The following ADHFE1 variants were observed in gnomAD, a reference collection of about 807,000 sequenced individuals.
ADHFE1 encodes hydroxyacid-oxoacid transhydrogenase, mitochondrial.
ADHFE1 carries 37 observed loss-of-function variants against 54.8 expected under a neutral mutation model. The ratio of observed to expected loss-of-function variants is 0.68; its 90% CI spans 0.52 to 0.89. The LOEUF (loss-of-function observed/expected upper bound fraction) is 0.89, where lower values mean the gene tolerates loss of function less well. Among genes scored for constraint, ADHFE1 ranks in the 40% least tolerant of loss-of-function variants. The probability of loss-of-function intolerance (pLI) is 0.00; values close to 1 mark genes in which losing one functional copy is unlikely to be tolerated. For synonymous variants in ADHFE1, 203 were observed against 229.3 expected, an observed-to-expected ratio of 0.89 and a Z score of 1.04; for missense variants, 601 against 591.2, an observed-to-expected ratio of 1.02 and a Z score of -0.17.
At chr8:66,454,037 T>G in intron 9 of ADHFE1, 22 bp from the exon 10 acceptor site, 2 of 1,612,418 alleles carry the variant, frequency 1.2e-6, no homozygotes, top group Non-Finnish European at 1.7e-6. Context: ...GTGTTATTGT[T>G]AGGTATTTAT....
chr8:66,458,189 T>C (rs1380009510), intron 12 of ADHFE1, among the ~76,000 whole-genome samples: 1 of 152,236 alleles, frequency 6.6e-6, no homozygotes, highest in Non-Finnish European at 1.5e-5. Flanking sequence ...AACATCTTAT[T>C]CCGCCACTTG....
intron 13 of ADHFE1, among the ~76,000 whole-genome samples, chr8:66,467,895 G>A (rs1009025068): frequency 2.6e-5 from 4 of 152,174 alleles, no homozygotes; most frequent in Admixed American, 2.6e-4. Flanking sequence ...AAAATACATG[G>A]TCTTAGACTT....
intron 13 of ADHFE1, among the ~76,000 whole-genome samples, chr8:66,465,486 T>C (rs1460345718): frequency 2.0e-5 from 3 of 152,246 alleles, no homozygotes; most frequent in African/African-American, 4.8e-5. Context: ...GAGCATCTTT[T>C]CATGTGCTTA....
intron 3 of ADHFE1, among the ~76,000 whole-genome samples, chr8:66,443,264 A>ATGTTTTTT (rs1805852021): frequency 1.2e-5 from 1 of 86,094 alleles, no homozygotes; most frequent in African/African-American, 4.1e-5. Flanking sequence ...TAGTCCAGGA[A>ATGTTTTTT]TTTTTTTTTT....
At chr8:66,438,233 A>C (rs979208202) in intron 1 of ADHFE1, among the ~76,000 whole-genome samples, 1 of 152,200 alleles carries the variant, frequency 6.6e-6, no homozygotes, top group African/African-American at 2.4e-5. Flanking sequence ...TACACATGAG[A>C]GGTGATACTG....
In ADHFE1 at chr8:66,458,160, A is replaced by G. The variant is rs114207857; in HGVS notation, c.1162+994A>G. On this transcript the variant is annotated intron_variant, in intron 12 of 13. Coordinates refer to ENST00000396623, the MANE Select transcript of ADHFE1 (RefSeq NM_144650.3). The stretch of plus-strand genomic sequence containing the variant: ...CAAGAACTCTTTTAAGTAGACTTGA[A>G]TATTTTATTAACTTGCAAAACATCT... Among the ~76,000 whole-genome samples the G allele has an allele frequency of 5.8e-3, 883 of 152,356 alleles. 5 individuals are homozygous for G. The highest frequency in any genetic ancestry group is 0.021 in the African/African-American group (857 of 41,582).
At chr8:66,451,824 T>TC in intron 8 of ADHFE1, 129 bp from the exon 9 acceptor site, 1 of 1,019,948 alleles carries the variant, frequency 9.8e-7, no homozygotes, top group Admixed American at 2.6e-5. Context: ...TGTACTGTGA[T>TC]CATCAGTGTT....
At chr8:66,435,143 G>A (rs1294922804) in intron 1 of ADHFE1, among the ~76,000 whole-genome samples, 2 of 152,194 alleles carry the variant, frequency 1.3e-5, no homozygotes, top group Admixed American at 6.5e-5. Context: ...AGTTATTACA[G>A]AGAACATAAA....
In ADHFE1 at chr8:66,445,348, G is replaced by C. The variant is rs542850663; in HGVS notation, c.484G>C (p.Asp162His). 1.2e-6 allele frequency: 2 copies of C among 1,613,890 alleles called. No individual in the cohort carries two copies. The highest frequency in any genetic ancestry group is 3.3e-5 in the Admixed American group (2 of 59,980). ...ATCCAGCCCTCATTCTGATTTCCTA[G>C]ATTATGTCAGTGCCCCCATTGGCAA... ...YASSPHSDFL[D>H]YVSAPIGKGK... Residue 162 changes from aspartate to histidine, a missense_variant, in exon 6 of 14, where the codon GAT (aspartate) becomes CAT (histidine). Coordinates refer to ENST00000396623, the MANE Select transcript of ADHFE1 (RefSeq NM_144650.3).
chr8:66,436,654 G>C (rs542233665), intron 1 of ADHFE1, among the ~76,000 whole-genome samples: 1 of 152,104 alleles, frequency 6.6e-6, no homozygotes, highest in African/African-American at 2.4e-5. Flanking sequence ...CCTGGACTTC[G>C]GGAGAGATGC....
At chr8:66,440,264 T>C (rs891217922) in intron 2 of ADHFE1, 65 bp downstream of exon 2, 2 of 1,485,320 alleles carry the variant, frequency 1.3e-6, no homozygotes, top group South Asian at 2.4e-5. Flanking sequence ...TATAATACAT[T>C]TGGGTAGTGT....
chr8:66,460,529 G>A, intron 13 of ADHFE1, 64 bp downstream of exon 13: 1 of 1,507,038 alleles, frequency 6.6e-7, no homozygotes, highest in East Asian at 2.3e-5. Context: ...AAGACATGCT[G>A]CATTGATGGC....
chr8:66,447,181 T>C, intron 6 of ADHFE1, 83 bp from the exon 7 acceptor site: 1 of 1,164,214 alleles, frequency 8.6e-7, no homozygotes. Flanking sequence ...TCTAATTTTG[T>C]TCCTCAGTCC....
chr8:66,446,952 A>G (rs1047113310), intron 6 of ADHFE1, among the ~76,000 whole-genome samples: 3 of 152,262 alleles, frequency 2.0e-5, no homozygotes, highest in Non-Finnish European at 2.9e-5. Context: ...TGCTAAACAT[A>G]CATGCATGCC....
In ADHFE1 at chr8:66,444,594, G is replaced by C. The variant is rs147823260; in HGVS notation, c.199G>C (p.Asp67His). 31 of 1,613,852 alleles carry C rather than the reference G, an allele frequency of 1.9e-5. No homozygotes were observed. Among genetic ancestry groups the C allele is most frequent in the African/African-American group, 2.7e-5 (2 of 74,880 alleles). The change falls in exon 5 of 14, where the codon GAC (aspartate) becomes CAC (histidine). Residue 67 changes from aspartate (D) to histidine (H), a missense_variant and splice_region_variant. By Grantham distance (81) the Asp-to-His change is moderately conservative. Transcript: ENST00000396623. The stretch of plus-strand genomic sequence containing the variant: ...ACCTAACTTATAGGTTTTCTTGTAG[G>C]ACCTAAAAAACATGGGTGCTAAAAA... ...GAAVTKEVGMDLKNMGAKNVC... is the reference protein window; with the variant it reads ...GAAVTKEVGMHLKNMGAKNVC...
chr8:66,451,252 A>G (rs1806284194), intron 8 of ADHFE1, among the ~76,000 whole-genome samples: 1 of 152,236 alleles, frequency 6.6e-6, no homozygotes, highest in African/African-American at 2.4e-5. Flanking sequence ...GGTACATAAG[A>G]GAAAAAGATC....
rs954535872 is a variant in ADHFE1, at chr8:66,439,439, C to T, written c.60-723C>T. On this transcript the variant is annotated intron_variant, in intron 1 of 13. Transcript: ENST00000396623. This position sits in a 1 kb window ranked among gnomAD's most constrained non-coding sequence, Gnocchi z 4.4. Reference sequence around the variant, plus strand: ...GAGACGACCAGGACAGGAAGAGGGACCACAGCCAGGGGAGGGAGGGTTTCC... The same window carrying T: ...GAGACGACCAGGACAGGAAGAGGGATCACAGCCAGGGGAGGGAGGGTTTCC... 1.1e-5 allele frequency: 11 copies of T among 986,068 alleles called. No homozygotes were observed. The highest frequency in any genetic ancestry group is 1.3e-5 in the Non-Finnish European group (11 of 830,312). 61.1% of individuals were successfully genotyped at this position (986,068 alleles called of 1,614,324 possible).
intron 13 of ADHFE1, among the ~76,000 whole-genome samples, chr8:66,464,313 G>T (rs936738187): frequency 6.6e-6 from 1 of 152,102 alleles, no homozygotes; most frequent in Non-Finnish European, 1.5e-5. Context: ...ATCACTGGGG[G>T]CCAGAAACGC....
chr8:66,454,989 T>C (rs1026611913), intron 10 of ADHFE1, among the ~76,000 whole-genome samples: 3 of 152,202 alleles, frequency 2.0e-5, no homozygotes, highest in African/African-American at 7.2e-5. Flanking sequence ...AGTGCTGGAA[T>C]TACAGGCATG....
Sources: allele counts gnomAD v4.1 joint callset (sites outside exome capture counted in the v4.1 genomes callset), GRCh38; gene constraint gnomAD v4.1.1; non-coding constraint Gnocchi (gnomAD v3.1); transcripts MANE v1.5; gene names NCBI Gene and HGNC (gene_info 2026-07-23, HGNC 2026-07-21).